Variants in COL5A2 observed in about 807,000 individuals in gnomAD.
COL5A2 encodes collagen type V alpha 2 chain, also known as collagen alpha-2(V) chain.
Under a neutral mutation model 208.2 loss-of-function variants are expected in COL5A2, and 23 were observed. That is an observed-to-expected ratio of 0.11 (90% confidence interval 0.08 to 0.16). The LOEUF is 0.16. COL5A2 is among the 10% of genes least tolerant of loss of function. The pLI is 1.00. For missense variants in COL5A2, 1,590 were observed against 1,956.4 expected (o/e 0.81, Z 3.53); for synonymous variants, 625 against 628.5 (o/e 0.99, Z 0.08).
intron 1 of COL5A2, among the ~76,000 whole-genome samples, chr2:189,213,148 C>A (rs976361157): frequency 6.6e-5 from 10 of 151,928 alleles, no homozygotes; most frequent in Non-Finnish European, 1.3e-4. Flanking sequence ...CCTCAGCCTC[C>A]CAAAGTGCAG....
At chr2:189,324,236 A>C in the COL5A2 span, among the ~76,000 whole-genome samples, 1 of 152,142 alleles carries the variant, frequency 6.6e-6, no homozygotes, top group African/African-American at 2.4e-5. Context: ...AGGCAATACC[A>C]CTCAAGACAT....
At chr2:189,350,694 G>A in the COL5A2 span, among the ~76,000 whole-genome samples, 3 of 152,280 alleles carry the variant, frequency 2.0e-5, no homozygotes, top group Non-Finnish European at 2.9e-5. Context: ...TGTTTCCAGA[G>A]TGTAATTGTT....
chr2:189,108,966 TA>T (rs1687205396), intron 2 of COL5A2, among the ~76,000 whole-genome samples: 1 of 72,816 alleles, frequency 1.4e-5, no homozygotes, highest in Non-Finnish European at 3.0e-5. Flanking sequence ...ATTACTTTAT[TA>T]AGTTTTTTTT....
At chr2:189,068,495 G>A (rs1310737212) in intron 19 of COL5A2, among the ~76,000 whole-genome samples, 1 of 151,958 alleles carries the variant, frequency 6.6e-6, no homozygotes, top group African/African-American at 2.4e-5. Flanking sequence ...ACAGTTGTAA[G>A]CACTCATTCA....
intron 50 of COL5A2, among the ~76,000 whole-genome samples, chr2:189,040,949 G>C (rs574773932): frequency 3.2e-4 from 49 of 152,234 alleles, no homozygotes; most frequent in African/African-American, 1.1e-3. Flanking sequence ...AAGGGCAAAG[G>C]AAAAGTAAGG....
chr2:189,170,017 T>G (rs185704330), intron 1 of COL5A2, among the ~76,000 whole-genome samples: 301 of 152,342 alleles, frequency 2.0e-3, no homozygotes, highest in African/African-American at 6.6e-3. Flanking sequence ...ACACCTGGCC[T>G]GTTATTATTA....
the COL5A2 span, among the ~76,000 whole-genome samples, chr2:189,397,887 G>A: frequency 6.6e-6 from 1 of 151,652 alleles, no homozygotes; most frequent in Non-Finnish European, 1.5e-5. Context: ...TTATAAAGAT[G>A]AATTGTTGAT....
rs1686345626 is a variant in COL5A2 at position 189,074,164 on chromosome 2, T to C, written c.1104+1229A>G. Among the ~76,000 whole-genome samples the C allele has an allele frequency of 2.0e-5, 3 of 152,290 alleles. No homozygotes were observed. In the South Asian group the frequency reaches 6.2e-4, roughly 32 times the overall value. ...AGTCTTAGCCATCTTCATTTCATCA[T>C]CCACATTACCTGGAGATGATCTTTC... On this transcript the variant is annotated intron_variant, in intron 17 of 53. Coordinates refer to ENST00000374866, the MANE Select transcript of COL5A2 (RefSeq NM_000393.5).
the COL5A2 span, among the ~76,000 whole-genome samples, chr2:189,425,899 A>C: frequency 6.6e-6 from 1 of 152,202 alleles, no homozygotes; most frequent in African/African-American, 2.4e-5. Context: ...AGGCCTCCCC[A>C]GAATCTGAGC....
At chr2:189,040,024 C>T (rs892014857) in intron 50 of COL5A2, among the ~76,000 whole-genome samples, 1 of 152,078 alleles carries the variant, frequency 6.6e-6, no homozygotes, top group Non-Finnish European at 1.5e-5. Context: ...AGAAAATACC[C>T]ACAGGAAACA....
the COL5A2 span, among the ~76,000 whole-genome samples, chr2:189,339,885 T>G: frequency 1.3e-5 from 2 of 152,206 alleles, no homozygotes; most frequent in Non-Finnish European, 2.9e-5. Context: ...AAATATAAGT[T>G]TCTCAGGTTT....
intron 13 of COL5A2, 88 bp from the exon 14 acceptor site, chr2:189,080,119 G>C: frequency 2.0e-6 from 2 of 986,408 alleles, no homozygotes; most frequent in Non-Finnish European, 3.2e-6. Context: ...TGCAGAAATT[G>C]CCTTATAAAA....
At chr2:189,357,329 C>T in the COL5A2 span, among the ~76,000 whole-genome samples, 7 of 152,266 alleles carry the variant, frequency 4.6e-5, no homozygotes, top group South Asian at 2.1e-4. Context: ...TGAAGCTACA[C>T]CCACAGATGC....
chr2:189,082,218 A>G (rs986280160), intron 12 of COL5A2, among the ~76,000 whole-genome samples: 1 of 152,216 alleles, frequency 6.6e-6, no homozygotes, highest in Admixed American at 6.5e-5. Flanking sequence ...TTCATTCACT[A>G]TTTCTAAATG....
At chr2:189,438,797 G>A in the COL5A2 span, among the ~76,000 whole-genome samples, 1 of 152,154 alleles carries the variant, frequency 6.6e-6, no homozygotes, top group African/African-American at 2.4e-5. Flanking sequence ...TTTATTGTAT[G>A]TAAATTTTTA....
the COL5A2 span, among the ~76,000 whole-genome samples, chr2:189,293,896 T>C: frequency 6.6e-6 from 1 of 152,052 alleles, no homozygotes; most frequent in East Asian, 1.9e-4. Context: ...CCATCCTGGC[T>C]AACACGGTGA....
chr2:189,219,535 T>C (rs1424823443), intron 1 of COL5A2, among the ~76,000 whole-genome samples: 2 of 152,144 alleles, frequency 1.3e-5, no homozygotes, highest in African/African-American at 4.8e-5. Context: ...GGAAACTGAA[T>C]GGATTAAAAT....
chr2:189,410,651 G>GT, the COL5A2 span, among the ~76,000 whole-genome samples: 1 of 151,858 alleles, frequency 6.6e-6, no homozygotes, highest in Non-Finnish European at 1.5e-5. Context: ...ATAATGCTTT[G>GT]TTTTTTTAAT....
At chr2:189,086,599 T>G in intron 9 of COL5A2, 127 bp downstream of exon 9, 2 of 686,688 alleles carry the variant, frequency 2.9e-6, no homozygotes, top group Admixed American at 4.8e-5. Context: ...ATATCCTGTT[T>G]GAAGTGAGCA....
Sources: allele counts gnomAD v4.1 joint callset (sites outside exome capture counted in the v4.1 genomes callset), GRCh38; gene constraint gnomAD v4.1.1; transcripts MANE v1.5; gene names NCBI Gene and HGNC (gene_info 2026-07-23, HGNC 2026-07-21).